HSBP1: variants seen among roughly 807,000 people sequenced by gnomAD.
The protein encoded by HSBP1 is heat shock factor-binding protein 1.
HSBP1 carries 5 observed loss-of-function variants against 9.6 expected under a neutral mutation model. That is an observed-to-expected ratio of 0.52 (90% CI 0.27 to 1.09). HSBP1 has a LOEUF of 1.09. HSBP1 is among the 50% of genes least tolerant of loss of function. The pLI is 0.11. For missense variants in HSBP1, 121 were observed against 96.3 expected, an observed-to-expected ratio of 1.26 and a Z score of -1.07; for synonymous variants, 42 against 33.3, an observed-to-expected ratio of 1.26 and a Z score of -0.90.
chr16:83,809,256 G>GA lies in HSBP1; in HGVS notation c.113-44dup, dbSNP rs756963809. The GA allele has an allele frequency of 3.3e-6, 4 of 1,208,298 alleles. No individual in the cohort carries two copies. The East Asian group carries it at 1.0e-4, about 31-fold the overall frequency. The allele number at this position is 1,208,298 out of a possible 1,614,324, so 74.8% of individuals were successfully genotyped here. On this transcript the variant is annotated intron_variant, in intron 2 of 3. Transcript: ENST00000433866. Reference sequence around the variant, plus strand: ...AGGCTGTAGTCTGCAGGGACGGGAGGAAAAAGGCTCAATGAGATGTTGGCA... The same window carrying GA: ...AGGCTGTAGTCTGCAGGGACGGGAGGAAAAAAGGCTCAATGAGATGTTGGCA...
intron 1 of HSBP1, 98 bp from the exon 2 acceptor site, chr16:83,808,582 A>G (rs1904518649): frequency 4.5e-6 from 4 of 898,780 alleles, no homozygotes; most frequent in Non-Finnish European, 7.0e-6. Context: ...AGAGGCAGAA[A>G]TGGGGCTGGA....
At position 83,819,241 on chromosome 16, in the gene HSBP1, C is replaced by T. The variant is rs1481021394; in HGVS notation, c.*7823C>T. The stretch of plus-strand genomic sequence containing the variant: ...AGATCCTGATTCAGAATATCTGGGA[C>T]GGGGGCTGGAGATTCATATTTTTAA... On this transcript the variant is annotated 3_prime_UTR_variant, in exon 4 of 4. Coordinates refer to ENST00000433866, the MANE Select transcript of HSBP1 (RefSeq NM_001537.4). 2.0e-5 allele frequency: 3 copies of T among 152,214 alleles called. No homozygotes were observed. The highest frequency in any genetic ancestry group is 1.9e-4 in the East Asian group (1 of 5,184). 9.4% of individuals were successfully genotyped at this position (152,214 alleles called of 1,614,324 possible).
At chr16:83,808,183 T>C (rs779566761) in intron 1 of HSBP1, 62 bp downstream of exon 1, 3 of 1,416,704 alleles carry the variant, frequency 2.1e-6, no homozygotes, top group East Asian at 5.4e-5. Flanking sequence ...GGCCAAGCCC[T>C]GCTGGACAGA....
At position 83,812,754 on chromosome 16, in the gene HSBP1, G is replaced by C. The variant is rs992898806; in HGVS notation, c.*1336G>C. ...ATCAGGCCAGTAGGTTGTGATGCAG[G>C]CTGGAGCCCCCGAATGCCCCACACA... is the stretch of plus-strand genomic sequence containing the variant. On this transcript the variant is annotated 3_prime_UTR_variant, in exon 4 of 4. Coordinates refer to ENST00000433866, the MANE Select transcript of HSBP1 (RefSeq NM_001537.4). The C allele has an allele frequency of 1.3e-5, 2 of 152,238 alleles. No homozygotes were observed. Among genetic ancestry groups the C allele is most frequent in the African/African-American group, 4.8e-5 (2 of 41,436 alleles). The allele number at this position is 152,238 out of a possible 1,614,324, so 9.4% of individuals were successfully genotyped here. A position where few individuals can be genotyped will look rare whatever the true frequency, so the allele number is the denominator to read the frequency against.
intron 1 of HSBP1, 48 bp downstream of exon 1, chr16:83,808,169 G>T: frequency 6.7e-7 from 1 of 1,487,986 alleles, no homozygotes; most frequent in Non-Finnish European, 9.1e-7. Flanking sequence ...CCCGGGCGGC[G>T]CCGGGCCAAG....
chr16:83,808,164 G>C (rs1361336831), intron 1 of HSBP1, 43 bp downstream of exon 1: 1 of 1,512,972 alleles, frequency 6.6e-7, no homozygotes, highest in Non-Finnish European at 9.0e-7. Context: ...GCCTTCCCGG[G>C]CGGCGCCGGG....
In HSBP1 at chr16:83,817,521, A is replaced by T. The variant is rs1288007901; in HGVS notation, c.*6103A>T. ...TCTCGAAAGCTGTTGACATTATCAAAAAGTTTTCCAGCTGGAATTCATCTC... is the reference window on the plus strand; with the variant it reads ...TCTCGAAAGCTGTTGACATTATCAATAAGTTTTCCAGCTGGAATTCATCTC... On this transcript the variant is annotated 3_prime_UTR_variant, in exon 4 of 4. Transcript: ENST00000433866. 6.6e-6 allele frequency: 1 copy of T among 152,200 alleles called. No individual in the cohort carries two copies. Among genetic ancestry groups the T allele is most frequent in the Non-Finnish European group, 1.5e-5 (1 of 68,040 alleles). The allele number at this position is 152,200 out of a possible 1,614,324, so 9.4% of individuals were successfully genotyped here. A position where few individuals can be genotyped will look rare whatever the true frequency, so the allele number is the denominator to read the frequency against.
In HSBP1 at chr16:83,819,464, G is replaced by A; in HGVS notation, c.*8046G>A. The A allele has an allele frequency of 6.6e-6, 1 of 152,046 alleles. No homozygotes were observed. Among genetic ancestry groups the A allele is most frequent in the East Asian group, 1.9e-4 (1 of 5,172 alleles). 9.4% of individuals were successfully genotyped at this position (152,046 alleles called of 1,614,324 possible). A position where few individuals can be genotyped will look rare whatever the true frequency, so the allele number is the denominator to read the frequency against. ...CCTAGTGTGACCTCTTCTGCCTTCT[G>A]AACCGAGGAGTCCACCCCTAAGCCC... On this transcript the variant is annotated 3_prime_UTR_variant, in exon 4 of 4. Transcript: ENST00000433866.
chr16:83,809,270 G>T (rs1432955674), intron 2 of HSBP1, 35 bp from the exon 3 acceptor site: 20 of 1,320,612 alleles, frequency 1.5e-5, no homozygotes, highest in Non-Finnish European at 2.1e-5. Context: ...AAGGCTCAAT[G>T]AGATGTTGGC....
At chr16:83,809,918 C>A (rs963820762) in intron 3 of HSBP1, among the ~76,000 whole-genome samples, 3 of 152,160 alleles carry the variant, frequency 2.0e-5, no homozygotes, top group African/African-American at 7.2e-5. Context: ...TGAAATTTTT[C>A]ATGCCAAACT....
Position 83,816,027 on chromosome 16 carries a change from A to T in HSBP1, c.*4609A>T, listed in dbSNP as rs923796591. The T allele has an allele frequency of 3.9e-5, 6 of 152,168 alleles. No homozygotes were observed. The highest frequency in any genetic ancestry group is 4.1e-4 in the South Asian group (2 of 4,826). The allele number at this position is 152,168 out of a possible 1,614,324, so 9.4% of individuals were successfully genotyped here. A position where few individuals can be genotyped will look rare whatever the true frequency, so the allele number is the denominator to read the frequency against. On this transcript the variant is annotated 3_prime_UTR_variant, in exon 4 of 4. Transcript: ENST00000433866. ...AATCAGCCCTTTTAACAATGGTGGG[A>T]TGTATTATTTCACATGGCAAGAAGT...
intron 2 of HSBP1, 84 bp downstream of exon 2, chr16:83,808,830 C>G (rs900159439): frequency 3.1e-6 from 3 of 966,628 alleles, no homozygotes; most frequent in South Asian, 1.4e-5. Context: ...GAGTAGTTTT[C>G]AGGCTAGCTT....
rs1216080581 is a variant in HSBP1 at position 83,813,310 on chromosome 16, A to C, written c.*1892A>C. ...CTGTGAACCTCATGAAGAAATTAGC[A>C]TATTAAAGACTCTGAAAGTAGAGCA... On this transcript the variant is annotated 3_prime_UTR_variant, in exon 4 of 4. Transcript: ENST00000433866. 1 of 152,238 alleles carries C rather than the reference A, an allele frequency of 6.6e-6. No individual in the cohort carries two copies. The highest frequency in any genetic ancestry group is 1.9e-4 in the East Asian group (1 of 5,194). The allele number at this position is 152,238 out of a possible 1,614,324, so 9.4% of individuals were successfully genotyped here.
In HSBP1 at chr16:83,812,429, T is replaced by C. The variant is rs776246358; in HGVS notation, c.*1011T>C. On this transcript the variant is annotated 3_prime_UTR_variant, in exon 4 of 4. Coordinates refer to ENST00000433866, the MANE Select transcript of HSBP1 (RefSeq NM_001537.4). ...AGAAGACAGGGATAATACCTTTATCTCTGGCCACTCAAAAATGCAGTGCCA... is the reference window on the plus strand; with the variant it reads ...AGAAGACAGGGATAATACCTTTATCCCTGGCCACTCAAAAATGCAGTGCCA... 4 of 152,222 alleles carry C rather than the reference T, an allele frequency of 2.6e-5. No individual in the cohort carries two copies. Among genetic ancestry groups the C allele is most frequent in the Non-Finnish European group, 5.9e-5 (4 of 68,048 alleles). 9.4% of individuals were successfully genotyped at this position (152,222 alleles called of 1,614,324 possible).
At chr16:83,808,376 C>T (rs1226081136) in intron 1 of HSBP1, 1 of 551,672 alleles carries the variant, frequency 1.8e-6, no homozygotes, top group South Asian at 2.3e-5. Context: ...CCCTCCGGGT[C>T]CCTCCCGCCT....
chr16:83,808,406 C>A, intron 1 of HSBP1: 1 of 563,150 alleles, frequency 1.8e-6, no homozygotes. Context: ...ACCCTCCCCG[C>A]CCTTCAACTC....
rs1368476963 is a variant in HSBP1, at chr16:83,812,222, C to G, written c.*804C>G. 1 of 152,574 alleles carries G rather than the reference C, an allele frequency of 6.6e-6. No individual in the cohort carries two copies. 9.5% of individuals were successfully genotyped at this position (152,574 alleles called of 1,614,324 possible). A position where few individuals can be genotyped will look rare whatever the true frequency, so the allele number is the denominator to read the frequency against. Reference sequence around the variant, plus strand: ...GATTTTAAAACTCAATCAGTCTTTCCTTTGAGCTAGTGACTTGAAAAGAAA... The same window carrying G: ...GATTTTAAAACTCAATCAGTCTTTCGTTTGAGCTAGTGACTTGAAAAGAAA... On this transcript the variant is annotated 3_prime_UTR_variant, in exon 4 of 4. Coordinates refer to ENST00000433866, the MANE Select transcript of HSBP1 (RefSeq NM_001537.4).
chr16:83,809,274 T>TGTTG, intron 2 of HSBP1, 31 bp from the exon 3 acceptor site: 1 of 1,354,128 alleles, frequency 7.4e-7, no homozygotes, highest in Non-Finnish European at 1.0e-6. Flanking sequence ...CTCAATGAGA[T>TGTTG]GTTGGCACGC....
At position 83,808,195 on chromosome 16, in the gene HSBP1, G is replaced by C. The variant is rs569340709; in HGVS notation, c.45+74G>C. The stretch of plus-strand genomic sequence containing the variant: ...CCGGGCCAAGCCCTGCTGGACAGAG[G>C]CGCGCCCACCGCGGCCGCGCGTGGC... On this transcript the variant is annotated intron_variant, in intron 1 of 3. Coordinates refer to ENST00000433866, the MANE Select transcript of HSBP1 (RefSeq NM_001537.4). 8 of 1,298,042 alleles carry C rather than the reference G, an allele frequency of 6.2e-6. No homozygotes were observed. The African/African-American group carries it at 1.3e-4, about 21-fold the overall frequency. The allele number at this position is 1,298,042 out of a possible 1,614,324, so 80.4% of individuals were successfully genotyped here. A position where few individuals can be genotyped will look rare whatever the true frequency, so the allele number is the denominator to read the frequency against.
Sources: allele counts gnomAD v4.1 joint callset (sites outside exome capture counted in the v4.1 genomes callset), GRCh38; gene constraint gnomAD v4.1.1; transcripts MANE v1.5; gene names NCBI Gene and HGNC (gene_info 2026-07-23, HGNC 2026-07-21).